Variants in ZNF440 observed in about 807,000 individuals in gnomAD.
ZNF440 encodes the protein zinc finger protein 440.
Under a neutral mutation model 49.7 loss-of-function variants are expected in ZNF440, and 47 were observed. The ratio of observed to expected loss-of-function variants is 0.95; its 90% CI spans 0.75 to 1.21. ZNF440 has a LOEUF of 1.21. Among genes scored for constraint, ZNF440 ranks in the 50% most tolerant of loss-of-function variants. The probability of loss-of-function intolerance (pLI) is 0.00; values close to 1 mark genes in which losing one functional copy is unlikely to be tolerated. For missense variants in ZNF440, 703 were observed against 715.0 expected (o/e 0.98, Z 0.19); for synonymous variants, 255 against 237.7 (o/e 1.07, Z -0.67).
At chr19:11,818,885 C>T (rs1975764954) in intron 1 of ZNF440, among the ~76,000 whole-genome samples, 2 of 152,124 alleles carry the variant, frequency 1.3e-5, no homozygotes, top group Non-Finnish European at 2.9e-5. Flanking sequence ...AGCTTGTTTT[C>T]TTTAAAGCTC....
chr19:11,815,305 C>T (rs971981242), intron 1 of ZNF440, among the ~76,000 whole-genome samples: 2 of 151,142 alleles, frequency 1.3e-5, no homozygotes, highest in African/African-American at 4.9e-5. Context: ...CACACACACA[C>T]ACACACACAC....
chr19:11,833,257 A>G lies in ZNF440; in HGVS notation c.*293A>G. 4.0e-6 allele frequency: 3 copies of G among 748,162 alleles called. No individual in the cohort carries two copies. The highest frequency in any genetic ancestry group is 1.8e-5 in the South Asian group (1 of 56,716). 46.3% of individuals were successfully genotyped at this position (748,162 alleles called of 1,614,324 possible). On this transcript the variant is annotated 3_prime_UTR_variant, in exon 4 of 4. Transcript: ENST00000304060. ...AACCCTGTGAATGTAAGAAATGTAG[A>G]AAAGCATTCCATAATTTCTCTTCTT... is the stretch of plus-strand genomic sequence containing the variant.
chr19:11,827,319 T>TC (rs2075752816), intron 1 of ZNF440, among the ~76,000 whole-genome samples: 1 of 152,152 alleles, frequency 6.6e-6, no homozygotes, highest in Non-Finnish European at 1.5e-5. Flanking sequence ...CGTCTCTGCC[T>TC]CCCAAAGTGC....
In ZNF440 at chr19:11,833,275, CTCT is replaced by C. The variant is rs1975976807; in HGVS notation, c.*316_*318del. 3.0e-5 allele frequency: 20 copies of C among 668,568 alleles called. No individual in the cohort carries two copies. In the East Asian group the frequency reaches 6.8e-4, roughly 23 times the overall value. 41.4% of individuals were successfully genotyped at this position (668,568 alleles called of 1,614,324 possible). A position where few individuals can be genotyped will look rare whatever the true frequency, so the allele number is the denominator to read the frequency against. On this transcript the variant is annotated 3_prime_UTR_variant, in exon 4 of 4. Transcript: ENST00000304060. ...AATGTAGAAAAGCATTCCATAATTT[CTCT>C]TCTTTGCAAATACATGAAAGGATGC...
chr19:11,825,094 G>T (rs1422172885), intron 1 of ZNF440, among the ~76,000 whole-genome samples: 1 of 151,834 alleles, frequency 6.6e-6, no homozygotes, highest in Admixed American at 6.6e-5. Flanking sequence ...AAAGCAGCAG[G>T]ACAGCTTGGA....
chr19:11,831,256 A>T, intron 3 of ZNF440, 112 bp from the exon 4 acceptor site: 1 of 1,386,572 alleles, frequency 7.2e-7, no homozygotes, highest in African/African-American at 1.5e-5. Context: ...CAGACAGGGC[A>T]GAAAGCCTAC....
At chr19:11,828,970 C>T (rs953097284) in intron 1 of ZNF440, among the ~76,000 whole-genome samples, 1 of 152,150 alleles carries the variant, frequency 6.6e-6, no homozygotes, top group Non-Finnish European at 1.5e-5. Context: ...AGGCATGAGC[C>T]ACCACGCCTG....
At chr19:11,828,237 C>T (rs182138364) in intron 1 of ZNF440, among the ~76,000 whole-genome samples, 84 of 152,166 alleles carry the variant, frequency 5.5e-4, no homozygotes, top group Non-Finnish European at 2.1e-4. Context: ...TCTGTTGCCC[C>T]GGCTGGAGTG....
intron 1 of ZNF440, among the ~76,000 whole-genome samples, chr19:11,818,237 A>C (rs1303136170): frequency 6.6e-6 from 1 of 152,144 alleles, no homozygotes; most frequent in South Asian, 2.1e-4. Flanking sequence ...AACAAAAAAA[A>C]CTATAATTAT....
chr19:11,814,593 C>T, intron 1 of ZNF440, 143 bp downstream of exon 1: 8 of 1,040,550 alleles, frequency 7.7e-6, no homozygotes, highest in Non-Finnish European at 9.0e-6. Context: ...GGGGCTGGGC[C>T]GGCAGCCGGG....
Position 11,828,746 on chromosome 19 carries a change from G to A in ZNF440, c.4-1537G>A, listed in dbSNP as rs189906649. Among the ~76,000 whole-genome samples the A allele has an allele frequency of 3.1e-4, 47 of 149,526 alleles. No individual in the cohort carries two copies. In the East Asian group the frequency reaches 7.7e-3, roughly 24 times the overall value. On this transcript the variant is annotated intron_variant, in intron 1 of 3. Coordinates refer to ENST00000304060, the MANE Select transcript of ZNF440 (RefSeq NM_152357.3). ...GTTGCCCAGGCTGGAGTGCAATGGT[G>A]CAATCTTGGCTCACCACAACCTCCA... is the stretch of plus-strand genomic sequence containing the variant.
chr19:11,814,373 C>T lies in ZNF440; in HGVS notation c.-75C>T. On this transcript the variant is annotated 5_prime_UTR_variant, in exon 1 of 4. Coordinates refer to ENST00000304060, the MANE Select transcript of ZNF440 (RefSeq NM_152357.3). Reference sequence around the variant, plus strand: ...TGCCTCCACCAGAGCTTCTGTCGCTCTGTAACCTGCACTGTGACCTACACT... The same window carrying T: ...TGCCTCCACCAGAGCTTCTGTCGCTTTGTAACCTGCACTGTGACCTACACT... The T allele has an allele frequency of 6.7e-7, 1 of 1,498,454 alleles. No homozygotes were observed. Among genetic ancestry groups the T allele is most frequent in the Non-Finnish European group, 8.9e-7 (1 of 1,123,244 alleles). The allele number at this position is 1,498,454 out of a possible 1,614,324, so 92.8% of individuals were successfully genotyped here.
At position 11,831,987 on chromosome 19, in the gene ZNF440, T is replaced by C; in HGVS notation, c.811T>C (p.Tyr271His). ...CGKAFHSPRS[Y>H]RRHERIHMGE... ...GAAAGCATTTCATAGTCCCAGATCCTATCGTAGACATGAAAGGATTCACAT... is the reference window on the plus strand; with the variant it reads ...GAAAGCATTTCATAGTCCCAGATCCCATCGTAGACATGAAAGGATTCACAT... The change falls in exon 4 of 4, where the codon TAT (tyrosine) becomes CAT (histidine). Residue 271 changes from tyrosine (Y) to histidine (H), a missense_variant. Transcript: ENST00000304060. 6.2e-7 allele frequency: 1 copy of C among 1,613,896 alleles called. No individual in the cohort carries two copies. The highest frequency in any genetic ancestry group is 8.5e-7 in the Non-Finnish European group (1 of 1,179,892).
Position 11,833,758 on chromosome 19 carries a change from G to A in ZNF440, c.*794G>A. 2 of 823,712 alleles carry A rather than the reference G, an allele frequency of 2.4e-6. No individual in the cohort carries two copies. Among genetic ancestry groups the A allele is most frequent in the Non-Finnish European group, 1.8e-6 (1 of 554,814 alleles). The allele number at this position is 823,712 out of a possible 1,614,324, so 51.0% of individuals were successfully genotyped here. On this transcript the variant is annotated 3_prime_UTR_variant, in exon 4 of 4. Transcript: ENST00000304060. ...AAGCCCTATGAATATAAGCAATGTG[G>A]GAAAGCCTTCAGATCAGCCTCGCAC...
chr19:11,825,817 C>CTTTTTTTTTTTTTTT (rs74180041), intron 1 of ZNF440, among the ~76,000 whole-genome samples: 1 of 131,464 alleles, frequency 7.6e-6, no homozygotes, highest in Non-Finnish European at 1.6e-5. Flanking sequence ...CTTTTCTTTT[C>CTTTTTTTTTTTTTTT]TTTTTTTTTT....
At chr19:11,822,866 C>T (rs1338931467) in intron 1 of ZNF440, among the ~76,000 whole-genome samples, 1 of 103,812 alleles carries the variant, frequency 9.6e-6, no homozygotes, top group Non-Finnish European at 2.2e-5. Flanking sequence ...AAAAAAGATG[C>T]CCTGGTTTCA....
chr19:11,814,527 G>T, intron 1 of ZNF440, 77 bp downstream of exon 1: 1 of 1,380,550 alleles, frequency 7.2e-7, no homozygotes. Context: ...GGCGGGACCC[G>T]GGCCTCCACG....
rs1062260 is a variant in ZNF440 at position 11,833,698 on chromosome 19, C to G, written c.*734C>G. Reference sequence around the variant, plus strand: ...GGGAAAGCCTTCATTTCTTCTAGTTCCCTTCAATATCATGAAAGGACTCAC... The same window carrying G: ...GGGAAAGCCTTCATTTCTTCTAGTTGCCTTCAATATCATGAAAGGACTCAC... On this transcript the variant is annotated 3_prime_UTR_variant, in exon 4 of 4. Coordinates refer to ENST00000304060, the MANE Select transcript of ZNF440 (RefSeq NM_152357.3). 1.7e-6 allele frequency: 1 copy of G among 588,386 alleles called. No individual in the cohort carries two copies. The highest frequency in any genetic ancestry group is 2.2e-5 in the South Asian group (1 of 45,524). The allele number at this position is 588,386 out of a possible 1,614,324, so 36.4% of individuals were successfully genotyped here. A position where few individuals can be genotyped will look rare whatever the true frequency, so the allele number is the denominator to read the frequency against.
intron 1 of ZNF440, among the ~76,000 whole-genome samples, chr19:11,827,352 G>A (rs1312133546): frequency 6.6e-6 from 1 of 152,104 alleles, no homozygotes; most frequent in African/African-American, 2.4e-5. Flanking sequence ...ATGAGCCACC[G>A]CACCCAGCGT....
Sources: allele counts gnomAD v4.1 joint callset (sites outside exome capture counted in the v4.1 genomes callset), GRCh38; gene constraint gnomAD v4.1.1; transcripts MANE v1.5; gene names NCBI Gene and HGNC (gene_info 2026-07-23, HGNC 2026-07-21).